The following CUL9 variants were observed in gnomAD, a reference collection of about 807,000 sequenced individuals.
CUL9 encodes cullin-9.
A neutral mutation model predicts 272.6 loss-of-function variants in CUL9; 79 were observed. The ratio of observed to expected loss-of-function variants is 0.29; its 90% CI spans 0.24 to 0.35. CUL9 has a LOEUF of 0.35. CUL9 is among the 10% of genes least tolerant of loss of function. CUL9 has a pLI of 1.00. For synonymous variants in CUL9, 1,186 were observed against 1,286.5 expected, an observed-to-expected ratio of 0.92 and a Z score of 1.67; for missense variants, 2,532 against 3,255.6, an observed-to-expected ratio of 0.78 and a Z score of 5.41.
chr6:43,189,280 C>T (rs1186118459), intron 8 of CUL9, among the ~76,000 whole-genome samples: 1 of 152,058 alleles, frequency 6.6e-6, no homozygotes, highest in South Asian at 2.1e-4. Context: ...ACCTCTGCCT[C>T]CCGGGTTCAA....
chr6:43,200,927 C>T lies in CUL9; in HGVS notation c.3647+93C>T. On this transcript the variant is annotated intron_variant, in intron 16 of 40. Transcript: ENST00000252050. This position sits in a 1 kb window ranked among gnomAD's most constrained non-coding sequence, Gnocchi z 4.0. Reference sequence around the variant, plus strand: ...ACAACCCCAGCTATAACCCCAATGCCTGAGGGACACACTCAAACCTATTTT... The same window carrying T: ...ACAACCCCAGCTATAACCCCAATGCTTGAGGGACACACTCAAACCTATTTT... 2 of 1,496,492 alleles carry T rather than the reference C, an allele frequency of 1.3e-6. No individual in the cohort carries two copies. The highest frequency in any genetic ancestry group is 1.8e-6 in the Non-Finnish European group (2 of 1,084,800). 92.7% of individuals were successfully genotyped at this position (1,496,492 alleles called of 1,614,324 possible).
chr6:43,215,211 C>T lies in CUL9; in HGVS notation c.5821C>T (p.Arg1941Trp), dbSNP rs771775402. The change falls in exon 30 of 41, where the codon CGG becomes TGG. Residue 1941 changes from arginine (R) to tryptophan (W), a missense_variant. Physicochemically the swap from Arg to Trp is moderately radical, Grantham distance 101 (BLOSUM62 -3). Coordinates refer to ENST00000252050, the MANE Select transcript of CUL9 (RefSeq NM_015089.4). ...CCTCTTAGGCCAGGGCTACGTGAAA[C>T]GGCGTGATGACCGGCCCCAGATCCT... ...LHLLGQGYVK[R>W]RDDRPQILMY... 31 of 1,614,102 alleles carry T rather than the reference C, an allele frequency of 1.9e-5. No homozygotes were observed. The highest frequency in any genetic ancestry group is 6.6e-5 in the South Asian group (6 of 91,086).
rs1484485784 is a variant in CUL9, at chr6:43,198,658, G to A, written c.2853G>A (p.Leu951=). The A allele has an allele frequency of 6.2e-7, 1 of 1,614,082 alleles. No individual in the cohort carries two copies. Among genetic ancestry groups the A allele is most frequent in the Non-Finnish European group, 8.5e-7 (1 of 1,179,994 alleles). ...GTCAGGATGGGTCCCCTGAGCTACT[G>A]ATTCGATCCCTGGTTGGGGGCCCAT... The part of the protein sequence containing the change: ...IQGQDGSPEL[L]IRSLVGGPSA... Residue 951 remains leucine, a synonymous_variant, in exon 12 of 41, where the codon CTG becomes CTA. Coordinates refer to ENST00000252050, the MANE Select transcript of CUL9 (RefSeq NM_015089.4).
rs753375086 is a variant in CUL9 at position 43,213,346 on chromosome 6, TG to T, written c.5358+53del. On this transcript the variant is annotated intron_variant, in intron 27 of 40. Transcript: ENST00000252050. This position sits in a 1 kb window ranked among gnomAD's most constrained non-coding sequence, Gnocchi z 5.7. The stretch of plus-strand genomic sequence containing the variant: ...CCTTCTCTGCTACCTTATCTGTCGC[TG>T]TTCTCCTCCTAAACCCTGTTCCTCC... 4.3e-6 allele frequency: 7 copies of T among 1,611,396 alleles called. 1 individual carries two copies. The South Asian group carries it at 7.7e-5, about 18-fold the overall frequency.
intron 11 of CUL9, among the ~76,000 whole-genome samples, chr6:43,197,772 G>A (rs1211688255): frequency 1.3e-5 from 2 of 152,236 alleles, no homozygotes; most frequent in East Asian, 1.9e-4. Context: ...GTGAGCCACT[G>A]TGCCTGGCCT....
At position 43,216,247 on chromosome 6, in the gene CUL9, C is replaced by T. The variant is rs202019331; in HGVS notation, c.6026C>T (p.Thr2009Met). 6.8e-5 allele frequency: 109 copies of T among 1,613,774 alleles called. 1 individual carries two copies. The South Asian group carries it at 7.0e-4, about 10-fold the overall frequency. The change falls in exon 31 of 41, where the codon ACG becomes ATG. Residue 2009 changes from threonine to methionine, a missense_variant. Physicochemically the swap from Thr to Met is moderately conservative, Grantham distance 81. This residue lies in a region of CUL9 where 2,218 missense variants were observed against 2,788.6 expected (regional missense o/e 0.80). Transcript: ENST00000252050. ...PQEVEGLMKQ[T>M]VRQVQETLNL... is the part of the protein sequence containing the mutation. ...GAAGTAGAAGGGTTGATGAAGCAGA[C>T]GGTGCGTCAGGTGCAGGAGACGCTG...
Position 43,224,042 on chromosome 6 carries a change from C to A in CUL9, c.7285-53C>A. 1 of 1,570,504 alleles carries A rather than the reference C, an allele frequency of 6.4e-7. No homozygotes were observed. Among genetic ancestry groups the A allele is most frequent in the South Asian group, 1.1e-5 (1 of 90,060 alleles). ...GCATCAGTGGAAGGAATGCTGGGTCCAAAGGCCCCATGCCCTCTACCTCCT... is the reference window on the plus strand; with the variant it reads ...GCATCAGTGGAAGGAATGCTGGGTCAAAAGGCCCCATGCCCTCTACCTCCT... On this transcript the variant is annotated intron_variant, in intron 39 of 40. Coordinates refer to ENST00000252050, the MANE Select transcript of CUL9 (RefSeq NM_015089.4). This position sits in a 1 kb window ranked among gnomAD's most constrained non-coding sequence, Gnocchi z 4.2.
rs756410113 is a variant in CUL9, at chr6:43,222,507, ACT to A, written c.6922-23_6922-22del. ...GTGGTGCTGCGCCACCTGTGCTGGT[ACT>A]GATACACCTTCCTCCACACAGGAGT... On this transcript the variant is annotated intron_variant, in intron 36 of 40. Transcript: ENST00000252050. 8.1e-5 allele frequency: 131 copies of A among 1,612,810 alleles called. No individual in the cohort carries two copies. In the Middle Eastern group the frequency reaches 3.5e-3, roughly 43 times the overall value.
chr6:43,196,317 C>A, intron 10 of CUL9, 52 bp downstream of exon 10: 1 of 1,522,296 alleles, frequency 6.6e-7, no homozygotes, highest in South Asian at 1.2e-5. Flanking sequence ...CCAAACCCTG[C>A]TACTCCTGTG....
At chr6:43,215,479 C>A (rs1200926706) in intron 30 of CUL9, among the ~76,000 whole-genome samples, 153 bp downstream of exon 30, 4 of 152,124 alleles carry the variant, frequency 2.6e-5, no homozygotes, top group Non-Finnish European at 5.9e-5. Context: ...TTTTATTGAC[C>A]CTCCCAGCAC....
rs1417482681 is a variant in CUL9 at position 43,218,319 on chromosome 6, C to T, written c.6282+1816C>T. ...GCAACCTCCATCTCCCGGGTTCAAG[C>T]GATTCTTCTGCCTCAGCCTCCCGAG... On this transcript the variant is annotated intron_variant, in intron 31 of 40. Coordinates refer to ENST00000252050, the MANE Select transcript of CUL9 (RefSeq NM_015089.4). This position sits in a 1 kb window ranked among gnomAD's most constrained non-coding sequence, Gnocchi z 4.4. 1.3e-5 allele frequency among the ~76,000 whole-genome samples: 2 copies of T among 152,074 alleles called. No homozygotes were observed. Among genetic ancestry groups the T allele is most frequent in the Non-Finnish European group, 2.9e-5 (2 of 68,006 alleles).
intron 9 of CUL9, among the ~76,000 whole-genome samples, chr6:43,193,946 G>A (rs1023231708): frequency 1.3e-5 from 2 of 152,082 alleles, no homozygotes; most frequent in African/African-American, 2.4e-5. Flanking sequence ...TTTTATCTAA[G>A]TGGCACCCTT....
rs1776611221 is a variant in CUL9, at chr6:43,224,091, C to G, written c.7285-4C>G. 2 of 1,613,990 alleles carry G rather than the reference C, an allele frequency of 1.2e-6. No homozygotes were observed. The highest frequency in any genetic ancestry group is 1.7e-6 in the Non-Finnish European group (2 of 1,179,960). On this transcript the variant is annotated splice_polypyrimidine_tract_variant and splice_region_variant and intron_variant, in intron 39 of 40. Transcript: ENST00000252050. This position sits in a 1 kb window ranked among gnomAD's most constrained non-coding sequence, Gnocchi z 4.2. ...CTTCTCAAATCCTTCTGTCTGCTCA[C>G]CAGGATTTCCGGGTTGGTCTTCAGA... is the stretch of plus-strand genomic sequence containing the variant.
chr6:43,218,786 T>C lies in CUL9; in HGVS notation c.6283-1673T>C, dbSNP rs1344707819. ...GACCTGAGCACCTGGGTGGATGGCA[T>C]GTGTCATCTTTACTCTGTTGTGGCC... On this transcript the variant is annotated intron_variant, in intron 31 of 40. Transcript: ENST00000252050. The surrounding 1 kb of genome is among the most constrained non-coding windows in gnomAD (Gnocchi z 4.4). Among the ~76,000 whole-genome samples, 1 of 152,222 alleles carries C rather than the reference T, an allele frequency of 6.6e-6. No homozygotes were observed. The highest frequency in any genetic ancestry group is 1.5e-5 in the Non-Finnish European group (1 of 68,036).
intron 9 of CUL9, 76 bp from the exon 10 acceptor site, chr6:43,195,993 A>C: frequency 7.8e-7 from 1 of 1,283,130 alleles, no homozygotes; most frequent in Non-Finnish European, 1.1e-6. Flanking sequence ...CCAAAGTTTG[A>C]GGTCTAGAAT....
chr6:43,216,053 C>T (rs914438229), intron 30 of CUL9, 105 bp from the exon 31 acceptor site: 5 of 1,077,564 alleles, frequency 4.6e-6, no homozygotes, highest in African/African-American at 3.2e-5. Context: ...CTTAGGCAAG[C>T]GAGCAAGTAT....
At chr6:43,219,973 T>C (rs1407607416) in intron 31 of CUL9, among the ~76,000 whole-genome samples, 2 of 152,024 alleles carry the variant, frequency 1.3e-5, no homozygotes, top group African/African-American at 4.8e-5. Context: ...GTCAGTTTTG[T>C]AGAGAAGAGG....
chr6:43,198,475 T>C (rs180828219), intron 11 of CUL9, 134 bp from the exon 12 acceptor site: 7 of 1,500,668 alleles, frequency 4.7e-6, no homozygotes, highest in African/African-American at 2.8e-5. Flanking sequence ...CCTCATAGTT[T>C]GGTTAAAAAC....
chr6:43,209,566 T>C (rs767358925), intron 26 of CUL9, among the ~76,000 whole-genome samples: 62 of 152,256 alleles, frequency 4.1e-4, no homozygotes, highest in Non-Finnish European at 1.0e-4. Context: ...TAGTCTCCTT[T>C]AATCTGGAAC....
Sources: allele counts gnomAD v4.1 joint callset (sites outside exome capture counted in the v4.1 genomes callset), GRCh38; gene constraint gnomAD v4.1.1; regional missense constraint gnomAD v4.1.1; non-coding constraint Gnocchi (gnomAD v3.1); transcripts MANE v1.5; gene names NCBI Gene and HGNC (gene_info 2026-07-23, HGNC 2026-07-21).